Variants in SORBS2 observed in about 807,000 individuals in gnomAD.
SORBS2 encodes the protein sorbin and SH3 domain-containing protein 2.
SORBS2 carries 46 observed loss-of-function variants against 97.7 expected under a neutral mutation model. The observed-to-expected ratio is 0.47, with a 90% CI of 0.37 to 0.60. SORBS2 has a LOEUF of 0.60. Among genes scored for constraint, SORBS2 ranks in the 20% least tolerant of loss-of-function variants. SORBS2 has a pLI of 0.00. For synonymous variants in SORBS2, 476 were observed against 473.4 expected, an observed-to-expected ratio of 1.01 and a Z score of -0.07; for missense variants, 1,316 against 1,282.3, an observed-to-expected ratio of 1.03 and a Z score of -0.40.
chr4:185,677,374 G>A (rs1394867144), intron 4 of SORBS2: 2 of 1,552,256 alleles, frequency 1.3e-6, no homozygotes, highest in African/African-American at 2.7e-5. Context: ...AATGGTGCAG[G>A]ATCCGTGCTG....
At chr4:185,619,191 C>T (rs968432803) in intron 8 of SORBS2, among the ~76,000 whole-genome samples, 4 of 152,168 alleles carry the variant, frequency 2.6e-5, no homozygotes, top group African/African-American at 9.7e-5. Flanking sequence ...AACACTCTGT[C>T]CACCAGCCAC....
chr4:185,950,800 G>A (rs2150026773), intron 1 of SORBS2, among the ~76,000 whole-genome samples: 1 of 152,254 alleles, frequency 6.6e-6, no homozygotes, highest in Admixed American at 6.5e-5. Flanking sequence ...TCGCACTATG[G>A]CCTGCACGGC....
At chr4:185,645,572 A>G (rs1423365335) in intron 4 of SORBS2, 1 of 152,220 alleles carries the variant, frequency 6.6e-6, no homozygotes, top group East Asian at 1.9e-4. Flanking sequence ...AGACTCAATC[A>G]AGGACACTCA....
intron 2 of SORBS2, among the ~76,000 whole-genome samples, chr4:185,723,257 A>G (rs1324647859): frequency 6.6e-6 from 1 of 152,246 alleles, no homozygotes; most frequent in Non-Finnish European, 1.5e-5. Flanking sequence ...TGCTGGTAGC[A>G]TGGTGGCAAC....
chr4:185,603,454 C>T (rs1252826746), intron 12 of SORBS2, among the ~76,000 whole-genome samples: 1 of 152,200 alleles, frequency 6.6e-6, no homozygotes. Flanking sequence ...TCCTTTCACG[C>T]CTAACAGGAG....
At chr4:185,615,471 G>A (rs1398404241) in intron 9 of SORBS2, among the ~76,000 whole-genome samples, 1 of 151,744 alleles carries the variant, frequency 6.6e-6, no homozygotes, top group African/African-American at 2.4e-5. Context: ...CAGAGAAGAG[G>A]CATTTTGAAG....
At chr4:185,612,954 T>C (rs756399812) in intron 11 of SORBS2, among the ~76,000 whole-genome samples, 20 of 152,192 alleles carry the variant, frequency 1.3e-4, no homozygotes, top group Non-Finnish European at 2.9e-4. Context: ...TTGGTGACCA[T>C]TCCATACTTG....
chr4:185,924,151 G>A (rs2099262370), intron 1 of SORBS2, among the ~76,000 whole-genome samples: 1 of 152,190 alleles, frequency 6.6e-6, no homozygotes, highest in Admixed American at 6.5e-5. Flanking sequence ...TGTGAGGATA[G>A]ATATACAGAG....
At chr4:185,707,896 C>T (rs1173515390) in intron 2 of SORBS2, among the ~76,000 whole-genome samples, 2 of 152,178 alleles carry the variant, frequency 1.3e-5, no homozygotes, top group South Asian at 2.1e-4. Context: ...TCCCATGACA[C>T]GTGGGATTAT....
chr4:185,887,326 T>G (rs1171707842), intron 1 of SORBS2, among the ~76,000 whole-genome samples: 1 of 152,192 alleles, frequency 6.6e-6, no homozygotes, highest in Admixed American at 6.5e-5. Context: ...GAAATTACAG[T>G]GTTTGAAGAA....
intron 1 of SORBS2, among the ~76,000 whole-genome samples, chr4:185,895,522 G>A (rs1477279493): frequency 2.6e-5 from 4 of 152,192 alleles, no homozygotes; most frequent in East Asian, 1.9e-4. Flanking sequence ...CATGGCGCCC[G>A]GGCGACACCT....
At position 185,890,906 on chromosome 4, in the gene SORBS2, T is replaced by C. The variant is rs547030246; in HGVS notation, c.-338+65290A>G. ...CTATAAGAAACATTTGTATGTTTTA[T>C]AGTATTGAACATGTTGCATTATACA... On this transcript the variant is annotated intron_variant, in intron 1 of 20. Transcript: ENST00000284776. Among the ~76,000 whole-genome samples, 37 of 152,330 alleles carry C rather than the reference T, an allele frequency of 2.4e-4. 1 individual carries two copies. The South Asian group carries it at 7.7e-3, about 32-fold the overall frequency.
intron 1 of SORBS2, among the ~76,000 whole-genome samples, chr4:185,935,639 T>C (rs1384824598): frequency 1.3e-5 from 2 of 152,232 alleles, no homozygotes. Flanking sequence ...AGGGTATTGA[T>C]AGGGCTAATT....
At chr4:185,693,556 A>G (rs2098129048) in intron 2 of SORBS2, among the ~76,000 whole-genome samples, 1 of 152,260 alleles carries the variant, frequency 6.6e-6, no homozygotes, top group Admixed American at 6.5e-5. Context: ...AACAACCTCC[A>G]GAAAATGAGG....
At chr4:185,928,280 T>C (rs910232420) in intron 1 of SORBS2, among the ~76,000 whole-genome samples, 5 of 152,070 alleles carry the variant, frequency 3.3e-5, no homozygotes, top group African/African-American at 1.2e-4. Flanking sequence ...GGTATGTGCC[T>C]GTGGTCCCAG....
chr4:185,631,011 T>C (rs2096897242), intron 4 of SORBS2, among the ~76,000 whole-genome samples: 1 of 152,258 alleles, frequency 6.6e-6, no homozygotes, highest in South Asian at 2.1e-4. Context: ...GTAGTCATCA[T>C]TCAATCCTTA....
chr4:185,658,046 T>G (rs1279781278), upstream of SORBS2, among the ~76,000 whole-genome samples: 1 of 152,170 alleles, frequency 6.6e-6, no homozygotes, highest in Non-Finnish European at 1.5e-5. Context: ...CTACTATTAT[T>G]TATAGGTTTT....
intron 2 of SORBS2, among the ~76,000 whole-genome samples, chr4:185,698,954 A>G (rs9312340): frequency 0.5 from 75,389 of 151,912 alleles, 19,095 homozygotes; most frequent in East Asian, 0.65. Flanking sequence ...TGGTGAAAGT[A>G]TTACAGTGAA....
chr4:185,716,036 A>G (rs2098462601), intron 2 of SORBS2, among the ~76,000 whole-genome samples: 1 of 152,224 alleles, frequency 6.6e-6, no homozygotes, highest in African/African-American at 2.4e-5. Context: ...TCCTCTTCTA[A>G]TAAATAGAAA....
Sources: gnomAD v4.1 joint callset for allele counts (sites outside exome capture counted in the v4.1 genomes callset) on GRCh38, gnomAD v4.1.1 for gene constraint, MANE v1.5 for transcripts, NCBI Gene and HGNC (gene_info 2026-07-23, HGNC 2026-07-21) for gene names.